KLHL12: variants seen among roughly 807,000 people sequenced by gnomAD.
KLHL12 encodes kelch like family member 12.
Under a neutral mutation model 60.8 loss-of-function variants are expected in KLHL12, and 17 were observed. That is an observed-to-expected ratio of 0.28 (90% CI 0.19 to 0.42). The LOEUF (loss-of-function observed/expected upper bound fraction) is 0.42. Ranked by LOEUF, KLHL12 falls within the 10% of genes least tolerant of loss-of-function variation. The probability of loss-of-function intolerance (pLI) is 1.00; values close to 1 mark genes in which losing one functional copy is unlikely to be tolerated. For missense variants in KLHL12, 468 were observed against 722.3 expected, an observed-to-expected ratio of 0.65 and a Z score of 4.04; for synonymous variants, 220 against 250.9, an observed-to-expected ratio of 0.88 and a Z score of 1.16.
chr1:202,899,829 A>AT (rs1206989256), intron 6 of KLHL12, among the ~76,000 whole-genome samples: 19 of 147,206 alleles, frequency 1.3e-4, no homozygotes, highest in South Asian at 4.4e-4. Context: ...TCTCAAAAAA[A>AT]AAAAAAAAAA....
intron 6 of KLHL12, among the ~76,000 whole-genome samples, chr1:202,900,819 G>A (rs188969547): frequency 2.5e-3 from 376 of 151,966 alleles, no homozygotes; most frequent in Non-Finnish European, 3.0e-3. Context: ...AGCAGAGATC[G>A]CACCACTGCA....
At chr1:202,925,806 T>C (rs190701475) in intron 1 of KLHL12, among the ~76,000 whole-genome samples, 20 of 152,184 alleles carry the variant, frequency 1.3e-4, no homozygotes, top group Admixed American at 1.3e-3. Context: ...CTGGATTTCT[T>C]CTTAAAATGA....
At chr1:202,926,261 C>T (rs1653549455) in intron 1 of KLHL12, among the ~76,000 whole-genome samples, 1 of 152,142 alleles carries the variant, frequency 6.6e-6, no homozygotes, top group African/African-American at 2.4e-5. Context: ...ATGTCCATTA[C>T]TGTTAAAGAA....
At position 202,912,739 on chromosome 1, in the gene KLHL12, A is replaced by G. The variant is rs1367070449; in HGVS notation, c.568-1536T>C. On this transcript the variant is annotated intron_variant, in intron 4 of 11. Coordinates refer to ENST00000367261, the MANE Select transcript of KLHL12 (RefSeq NM_021633.4). ...AGTGGCAGAAGATTTTAATTAGGAAACAAAGCTTAGCTGGAGAGGAGAGCC... is the reference window on the plus strand; with the variant it reads ...AGTGGCAGAAGATTTTAATTAGGAAGCAAAGCTTAGCTGGAGAGGAGAGCC... The G allele has an allele frequency of 2.2e-6, 3 of 1,394,444 alleles. No homozygotes were observed. In the Admixed American group the frequency reaches 5.1e-5, roughly 24 times the overall value. The allele number at this position is 1,394,444 out of a possible 1,614,324, so 86.4% of individuals were successfully genotyped here.
In KLHL12 at chr1:202,903,629, C is replaced by CTTTTTT. The variant is rs1220119536; in HGVS notation, c.832+5375_832+5380dup. On this transcript the variant is annotated intron_variant, in intron 6 of 11. Transcript: ENST00000367261. The stretch of plus-strand genomic sequence containing the variant: ...CTGGGACCACTAATTTTTTTCTTTT[C>CTTTTTT]TTTTTTTTTTTGAAACGGCGTCTTG... Among the ~76,000 whole-genome samples, 57 of 76,090 alleles carry CTTTTTT rather than the reference C, an allele frequency of 7.5e-4. 5 individuals carry two copies. The East Asian group carries it at 0.012, about 16-fold the overall frequency. The allele number at this position is 76,090 out of a possible 152,430, so 49.9% of individuals were successfully genotyped here. A position where few individuals can be genotyped will look rare whatever the true frequency, so the allele number is the denominator to read the frequency against.
At chr1:202,918,092 G>C in intron 4 of KLHL12, 79 bp downstream of exon 4, 1 of 1,002,008 alleles carries the variant, frequency 1.0e-6, no homozygotes. Context: ...AAGCCCTGAT[G>C]GTAAGTAACT....
At chr1:202,916,975 GA>G (rs111461718) in intron 4 of KLHL12, among the ~76,000 whole-genome samples, 5,658 of 141,264 alleles carry the variant, frequency 0.04, 141 homozygotes, top group South Asian at 0.12. Flanking sequence ...CATCTCAGAA[GA>G]AAAAAAAAAA....
intron 7 of KLHL12, 71 bp downstream of exon 7, chr1:202,896,783 A>G: frequency 8.9e-7 from 1 of 1,124,162 alleles, no homozygotes; most frequent in East Asian, 2.3e-5. Flanking sequence ...AGGCTGGATT[A>G]GCTATGATCT....
rs1659794668 is a variant in KLHL12, at chr1:202,895,205, A to C, written c.1135+317T>G. Reference sequence around the variant, plus strand: ...TCAGGAGTTAGAGATCAGCCTGGGCAACATGGCGAAACCCCATCTCTACTA... The same window carrying C: ...TCAGGAGTTAGAGATCAGCCTGGGCCACATGGCGAAACCCCATCTCTACTA... On this transcript the variant is annotated intron_variant, in intron 8 of 11. Coordinates refer to ENST00000367261, the MANE Select transcript of KLHL12 (RefSeq NM_021633.4). The surrounding 1 kb of genome is among the most constrained non-coding windows in gnomAD (Gnocchi z 4.2). Among the ~76,000 whole-genome samples the C allele has an allele frequency of 6.6e-6, 1 of 152,166 alleles. No homozygotes were observed.
intron 4 of KLHL12, among the ~76,000 whole-genome samples, chr1:202,916,188 A>G (rs1039935494): frequency 7.2e-5 from 11 of 152,354 alleles, no homozygotes; most frequent in South Asian, 4.1e-4. Flanking sequence ...TTCTTGACTC[A>G]ATAGCATTTG....
chr1:202,925,158 C>G lies in KLHL12; in HGVS notation c.5G>C (p.Gly2Ala). The change falls in exon 2 of 12, where the codon GGA becomes GCA. Residue 2 changes from glycine (G) to alanine (A), a missense_variant. Gly to Ala is a moderately conservative substitution (Grantham distance 60, BLOSUM62 0). Transcript: ENST00000367261. M[G>A]GIMAPKDIMT... ...TATGTCTTTGGGGGCCATAATGCCT[C>G]CCATAAAGCAGTGCGGAGAAAGAAC... is the stretch of plus-strand genomic sequence containing the variant. 1.9e-6 allele frequency: 3 copies of G among 1,613,914 alleles called. No individual in the cohort carries two copies. In the South Asian group the frequency reaches 3.3e-5, roughly 18 times the overall value.
rs747396523 is a variant in KLHL12, at chr1:202,911,130, G to T, written c.641C>A (p.Ser214Tyr). The change falls in exon 5 of 12, where the codon TCC becomes TAC. Residue 214 changes from serine (S) to tyrosine (Y), a missense_variant. Transcript: ENST00000367261. ...VKHAKKEREESLPNLLQYVRM... is the reference protein window; with the variant it reads ...VKHAKKEREEYLPNLLQYVRM... ...CACATACTGTAGCAGGTTAGGCAAGGATTCTTCCCGCTCTTTCTTGGCATG... is the reference window on the plus strand; with the variant it reads ...CACATACTGTAGCAGGTTAGGCAAGTATTCTTCCCGCTCTTTCTTGGCATG... The T allele has an allele frequency of 1.2e-6, 2 of 1,614,104 alleles. No homozygotes were observed. Among genetic ancestry groups the T allele is most frequent in the African/African-American group, 1.3e-5 (1 of 75,008 alleles).
chr1:202,921,861 C>T (rs1660705345), intron 2 of KLHL12, among the ~76,000 whole-genome samples: 4 of 152,108 alleles, frequency 2.6e-5, no homozygotes, highest in South Asian at 2.1e-4. Flanking sequence ...CTCCATCAGC[C>T]AGAGAATAAC....
intron 2 of KLHL12, among the ~76,000 whole-genome samples, chr1:202,922,283 G>GA (rs994030835): frequency 1.8e-4 from 6 of 32,934 alleles, no homozygotes; most frequent in South Asian, 1.2e-3. Context: ...AAGAGATAAA[G>GA]GGGGGCCGGG....
rs1375146601 is a variant in KLHL12, at chr1:202,909,279, C to T, written c.718-155G>A. The T allele has an allele frequency of 1.5e-5, 7 of 477,362 alleles. No individual in the cohort carries two copies. The highest frequency in any genetic ancestry group is 8.1e-5 in the African/African-American group (4 of 49,612). 29.6% of individuals were successfully genotyped at this position (477,362 alleles called of 1,614,324 possible). On this transcript the variant is annotated intron_variant, in intron 5 of 11. Coordinates refer to ENST00000367261, the MANE Select transcript of KLHL12 (RefSeq NM_021633.4). The surrounding 1 kb of genome is among the most constrained non-coding windows in gnomAD (Gnocchi z 4.1). ...GTATTGCTGGTAGTAACCATGCTCT[C>T]GGTTTCCAGAAATGATTTTTAAAAT... is the stretch of plus-strand genomic sequence containing the variant.
chr1:202,927,335 C>T (rs929463934), upstream of KLHL12: 1 of 912,412 alleles, frequency 1.1e-6, no homozygotes, highest in African/African-American at 1.8e-5. Flanking sequence ...GTCACGTGAC[C>T]TGTCTGTACC....
At position 202,920,522 on chromosome 1, in the gene KLHL12, G is replaced by A. The variant is rs1253472949; in HGVS notation, c.196-614C>T. Reference sequence around the variant, plus strand: ...CTCCCGAGTAGTTTGGACTACAGGCGCCCGCCACCACGCCCGGCTAATTTT... The same window carrying A: ...CTCCCGAGTAGTTTGGACTACAGGCACCCGCCACCACGCCCGGCTAATTTT... On this transcript the variant is annotated intron_variant, in intron 2 of 11. Coordinates refer to ENST00000367261, the MANE Select transcript of KLHL12 (RefSeq NM_021633.4). Among the ~76,000 whole-genome samples the A allele has an allele frequency of 3.3e-5, 5 of 151,042 alleles. No individual in the cohort carries two copies. In the East Asian group the frequency reaches 6.0e-4, roughly 18 times the overall value.
chr1:202,894,209 A>G lies in KLHL12; in HGVS notation c.1368T>C (p.Val456=). 1.3e-6 allele frequency: 2 copies of G among 1,556,174 alleles called. No individual in the cohort carries two copies. The highest frequency in any genetic ancestry group is 1.7e-6 in the Non-Finnish European group (2 of 1,148,414). ...YDPHTGHWTN[V]TPMATKRSGA... is the part of the protein sequence containing the mutation. ...CAGAACGCTTGGTGGCCATTGGTGT[A>G]ACATTAGTCCAATGTCCTGTATGAG... Residue 456 remains valine, a synonymous_variant, in exon 10 of 12, where the codon GTT becomes GTC. Coordinates refer to ENST00000367261, the MANE Select transcript of KLHL12 (RefSeq NM_021633.4).
In KLHL12 at chr1:202,909,311, G is replaced by A; in HGVS notation, c.718-187C>T. 2.1e-6 allele frequency: 1 copy of A among 467,970 alleles called. No individual in the cohort carries two copies. Among genetic ancestry groups the A allele is most frequent in the South Asian group, 3.1e-5 (1 of 32,010 alleles). 29.0% of individuals were successfully genotyped at this position (467,970 alleles called of 1,614,324 possible). ...CAGAAATGATTTTTAAAATTTACTT[G>A]AAAAATAGATAACATACTAGATGGA... On this transcript the variant is annotated intron_variant, in intron 5 of 11. Coordinates refer to ENST00000367261, the MANE Select transcript of KLHL12 (RefSeq NM_021633.4). This position sits in a 1 kb window ranked among gnomAD's most constrained non-coding sequence, Gnocchi z 4.1.
Sources: allele counts gnomAD v4.1 joint callset (sites outside exome capture counted in the v4.1 genomes callset), GRCh38; gene constraint gnomAD v4.1.1; non-coding constraint Gnocchi (gnomAD v3.1); transcripts MANE v1.5; gene names NCBI Gene and HGNC (gene_info 2026-07-23, HGNC 2026-07-21).